SPEF2: variants seen among roughly 807,000 people sequenced by gnomAD.
SPEF2 encodes sperm flagella and cilia-associated protein 2.
In SPEF2, 187 loss-of-function variants were observed where a neutral mutation model predicts 224.6. The ratio of observed to expected loss-of-function variants is 0.83; its 90% CI spans 0.74 to 0.94. SPEF2 has a LOEUF of 0.94. Among genes scored for constraint, SPEF2 ranks in the 40% least tolerant of loss-of-function variants. The pLI is 0.00. For missense variants in SPEF2, 2,170 were observed against 2,135.6 expected, an observed-to-expected ratio of 1.02 and a Z score of -0.32; for synonymous variants, 715 against 707.3, an observed-to-expected ratio of 1.01 and a Z score of -0.17.
intron 1 of SPEF2, among the ~76,000 whole-genome samples, chr5:35,621,726 A>C (rs1348431553): frequency 6.6e-6 from 1 of 152,254 alleles, no homozygotes; most frequent in Non-Finnish European, 1.5e-5. Context: ...ACAAAGAAAC[A>C]GGAGAGAATG....
Position 35,789,044 on chromosome 5 carries a change from G to A in SPEF2, c.4448-3296G>A, listed in dbSNP as rs772782383. 5.8e-6 allele frequency: 4 copies of A among 683,854 alleles called. No homozygotes were observed. In the African/African-American group the frequency reaches 7.1e-5, roughly 12 times the overall value. 42.4% of individuals were successfully genotyped at this position (683,854 alleles called of 1,614,324 possible). ...GCAACTGCACTCAGTAAGTAATTTT[G>A]AAATATCGTATTATTTTGCTTTTTC... On this transcript the variant is annotated intron_variant, in intron 30 of 36. Transcript: ENST00000356031.
At position 35,806,756 on chromosome 5, in the gene SPEF2, A is replaced by G. The variant is rs1229311493; in HGVS notation, c.5060A>G (p.Glu1687Gly). ...GCTGAGGAATTTCCTGAACCTGAGG[A>G]AAATGCTGCAAGAGAAGAAAGGAAA... ...GPAEEFPEPEENAAREERKLK... is the reference protein window; with the variant it reads ...GPAEEFPEPEGNAAREERKLK... The change falls in exon 35 of 37, where the codon GAA becomes GGA. Residue 1687 changes from glutamate to glycine, a missense_variant. By Grantham distance (98) the Glu-to-Gly change is moderately conservative. Coordinates refer to ENST00000356031, the MANE Select transcript of SPEF2 (RefSeq NM_024867.4). The G allele has an allele frequency of 6.2e-7, 1 of 1,614,030 alleles. No homozygotes were observed. The highest frequency in any genetic ancestry group is 1.3e-5 in the African/African-American group (1 of 75,042).
chr5:35,704,049 TTTTG>T (rs1299318726), intron 16 of SPEF2, among the ~76,000 whole-genome samples: 2 of 152,208 alleles, frequency 1.3e-5, no homozygotes, highest in African/African-American at 2.4e-5. Flanking sequence ...AGATTGGTTT[TTTTG>T]TTTGTTTGTT....
chr5:35,667,791 A>G (rs1561164504), intron 9 of SPEF2, among the ~76,000 whole-genome samples: 1 of 152,180 alleles, frequency 6.6e-6, no homozygotes, highest in Non-Finnish European at 1.5e-5. Flanking sequence ...AATATCTAGA[A>G]TATATGAAGT....
At chr5:35,734,842 G>A (rs1746301583) in intron 21 of SPEF2, among the ~76,000 whole-genome samples, 1 of 150,834 alleles carries the variant, frequency 6.6e-6, no homozygotes, top group Non-Finnish European at 1.5e-5. Flanking sequence ...CTCCCAAGTA[G>A]CTGAGACTAC....
At chr5:35,760,189 G>A (rs1751039933) in intron 25 of SPEF2, among the ~76,000 whole-genome samples, 1 of 151,800 alleles carries the variant, frequency 6.6e-6, no homozygotes, top group Admixed American at 6.6e-5. Flanking sequence ...GTGAAACCCC[G>A]TCTCTACTAA....
At chr5:35,704,781 G>A in intron 17 of SPEF2, 119 bp downstream of exon 17, 1 of 672,282 alleles carries the variant, frequency 1.5e-6, no homozygotes. Flanking sequence ...TCTTTTACAG[G>A]TAAAAGAAGA....
chr5:35,629,348 G>A (rs1744761275), intron 2 of SPEF2, among the ~76,000 whole-genome samples: 1 of 151,110 alleles, frequency 6.6e-6, no homozygotes, highest in Admixed American at 6.6e-5. Context: ...TAGTAGAGAC[G>A]AGGTTTCACC....
At position 35,700,720 on chromosome 5, in the gene SPEF2, C is replaced by T; in HGVS notation, c.2366C>T (p.Thr789Ile). 2 of 1,613,964 alleles carry T rather than the reference C, an allele frequency of 1.2e-6. No individual in the cohort carries two copies. Among genetic ancestry groups the T allele is most frequent in the South Asian group, 1.1e-5 (1 of 91,082 alleles). Residue 789 changes from threonine (T) to isoleucine (I), a missense_variant, in exon 16 of 37, where the codon ACT (threonine) becomes ATT (isoleucine). By Grantham distance (89) the Thr-to-Ile change is moderately conservative. Transcript: ENST00000356031. ...DFVILLDVSD[T>I]SSMSRMNDII... ...GTCATATTATTAGATGTTTCAGATA[C>T]TTCCTCAATGAGTCGCATGAATGAT...
At chr5:35,685,381 A>G (rs1392329615) in intron 10 of SPEF2, among the ~76,000 whole-genome samples, 2 of 152,164 alleles carry the variant, frequency 1.3e-5, no homozygotes, top group African/African-American at 2.4e-5. Flanking sequence ...ACCAAAGTTG[A>G]CAACTTATAT....
intron 21 of SPEF2, among the ~76,000 whole-genome samples, chr5:35,731,712 C>G (rs996220317): frequency 1.3e-5 from 2 of 152,178 alleles, no homozygotes; most frequent in African/African-American, 4.8e-5. Flanking sequence ...AAGTGAGGGT[C>G]TCTGAAACTT....
chr5:35,709,835 T>C, intron 19 of SPEF2: 1 of 985,384 alleles, frequency 1.0e-6, no homozygotes, highest in Non-Finnish European at 1.2e-6. Context: ...TGTGTGTGTA[T>C]ATAAAACAAA....
intron 2 of SPEF2, among the ~76,000 whole-genome samples, chr5:35,641,102 A>G (rs1746568494): frequency 2.0e-5 from 3 of 152,218 alleles, no homozygotes; most frequent in African/African-American, 4.8e-5. Context: ...CCTGAATGCA[A>G]TCTCTTGAGA....
chr5:35,765,282 TG>T (rs1751941560), intron 26 of SPEF2, among the ~76,000 whole-genome samples: 5 of 152,220 alleles, frequency 3.3e-5, no homozygotes, highest in Admixed American at 2.6e-4. Flanking sequence ...GTTCATTTTT[TG>T]TTGCTGTATT....
rs530411130 is a variant in SPEF2, at chr5:35,619,109, C to A, written c.58+1054C>A. 3.3e-5 allele frequency among the ~76,000 whole-genome samples: 5 copies of A among 152,268 alleles called. No homozygotes were observed. In the South Asian group the frequency reaches 1.0e-3, roughly 32 times the overall value. ...GCATCTCCTGTTGCATTTCTTGAGG[C>A]ATAAACCTCAGACTCTTTCTTTGTC... On this transcript the variant is annotated intron_variant, in intron 1 of 36. Transcript: ENST00000356031.
In SPEF2 at chr5:35,800,031, C is replaced by T; in HGVS notation, c.4894C>T (p.Leu1632=). The T allele has an allele frequency of 6.2e-7, 1 of 1,614,122 alleles. No individual in the cohort carries two copies. The highest frequency in any genetic ancestry group is 8.5e-7 in the Non-Finnish European group (1 of 1,180,010). The part of the protein sequence containing the change: ...DPPQLDYTQM[L]LYFACHPDTV... ...ACCCCAGCTTGACTACACACAGATGCTGCTTTACTTTGCTTGCCACCCAGA... is the reference window on the plus strand; with the variant it reads ...ACCCCAGCTTGACTACACACAGATGTTGCTTTACTTTGCTTGCCACCCAGA... Residue 1632 remains leucine (L), a synonymous_variant, in exon 34 of 37, where the codon CTG becomes TTG. Transcript: ENST00000356031.
intron 16 of SPEF2, among the ~76,000 whole-genome samples, chr5:35,703,112 T>A (rs35560227): frequency 0.53 from 80,788 of 151,104 alleles, 21,988 homozygotes; most frequent in African/African-American, 0.56. Flanking sequence ...ATTTTTTTTT[T>A]TATTCTCTCT....
intron 23 of SPEF2, among the ~76,000 whole-genome samples, chr5:35,751,943 G>A (rs750336847): frequency 6.6e-6 from 1 of 152,102 alleles, no homozygotes; most frequent in African/African-American, 2.4e-5. Context: ...GACCAGTTTC[G>A]TGGAAGACAA....
chr5:35,709,834 A>T (rs1236205291), intron 19 of SPEF2: 4 of 985,364 alleles, frequency 4.1e-6, no homozygotes, highest in Non-Finnish European at 4.8e-6. Flanking sequence ...TTGTGTGTGT[A>T]TATAAAACAA....
Sources: allele counts gnomAD v4.1 joint callset (sites outside exome capture counted in the v4.1 genomes callset), GRCh38; gene constraint gnomAD v4.1.1; transcripts MANE v1.5; gene names NCBI Gene and HGNC (gene_info 2026-07-23, HGNC 2026-07-21).